The following ZFYVE28 variants were observed in gnomAD, a reference collection of about 807,000 sequenced individuals.
The protein encoded by ZFYVE28 is zinc finger FYVE-type containing 28.
ZFYVE28 carries 40 observed loss-of-function variants against 82.1 expected under a neutral mutation model. The ratio of observed to expected loss-of-function variants is 0.49; its 90% CI spans 0.38 to 0.63. The LOEUF (loss-of-function observed/expected upper bound fraction) is 0.63. ZFYVE28 is among the 30% of genes least tolerant of loss of function. The pLI is 0.00. For missense variants in ZFYVE28, 1,321 were observed against 1,242.1 expected, an observed-to-expected ratio of 1.06 and a Z score of -0.96; for synonymous variants, 612 against 546.1, an observed-to-expected ratio of 1.12 and a Z score of -1.68.
chr4:2,399,231 G>T (rs999131249), intron 1 of ZFYVE28, among the ~76,000 whole-genome samples: 1 of 151,800 alleles, frequency 6.6e-6, no homozygotes. Context: ...TGCACAATGT[G>T]GGGGGTTGAG....
Position 2,406,371 on chromosome 4 carries a change from C to CAA in ZFYVE28, c.39+11912_39+11913dup, listed in dbSNP as rs11451238. On this transcript the variant is annotated intron_variant, in intron 1 of 12. Transcript: ENST00000290974. The stretch of plus-strand genomic sequence containing the variant: ...TGGGCCACAGAACAAGACTCTGTCT[C>CAA]AAAAAAAAACAAAACAAAACACTGA... Among the ~76,000 whole-genome samples, 55 of 150,384 alleles carry CAA rather than the reference C, an allele frequency of 3.7e-4. 1 individual carries two copies. Among genetic ancestry groups the CAA allele is most frequent in the Admixed American group, 1.2e-3 (18 of 15,132 alleles).
At chr4:2,361,205 G>A (rs1319456805) in intron 1 of ZFYVE28, among the ~76,000 whole-genome samples, 1 of 152,134 alleles carries the variant, frequency 6.6e-6, no homozygotes, top group Non-Finnish European at 1.5e-5. Flanking sequence ...CGTTCACGGG[G>A]TCAGATGACT....
At position 2,418,430 on chromosome 4, in the gene ZFYVE28, C is replaced by G. The variant is rs1008456676; in HGVS notation, c.-107G>C. The G allele has an allele frequency of 3.3e-5, 31 of 926,010 alleles. No individual in the cohort carries two copies. The African/African-American group carries it at 4.5e-4, about 13-fold the overall frequency. 57.4% of individuals were successfully genotyped at this position (926,010 alleles called of 1,614,324 possible). ...GACGCGGAGGCACGGCCGGAGCCCC[C>G]GCGCTGTCGCAGGGAGGCTGGCTAG... is the stretch of plus-strand genomic sequence containing the variant. On this transcript the variant is annotated 5_prime_UTR_variant, in exon 1 of 13. Transcript: ENST00000290974. The surrounding 1 kb of genome is among the most constrained non-coding windows in gnomAD (Gnocchi z 4.6).
chr4:2,390,129 T>A (rs186978278), intron 1 of ZFYVE28, among the ~76,000 whole-genome samples: 6 of 152,314 alleles, frequency 3.9e-5, no homozygotes, highest in African/African-American at 1.4e-4. Flanking sequence ...ACAAGCGTCC[T>A]TCATAGAGAC....
At chr4:2,288,404 T>C (rs1713088668) in intron 8 of ZFYVE28, among the ~76,000 whole-genome samples, 1 of 151,994 alleles carries the variant, frequency 6.6e-6, no homozygotes. Flanking sequence ...TGCTACACAG[T>C]GGGGGAGCAT....
At chr4:2,305,985 G>A (rs1018463305) in intron 7 of ZFYVE28, among the ~76,000 whole-genome samples, 1 of 152,242 alleles carries the variant, frequency 6.6e-6, no homozygotes, top group African/African-American at 2.4e-5. Flanking sequence ...AGGCAGGCAT[G>A]CTCCTGCCCT....
At chr4:2,316,433 C>G (rs1216552740) in intron 7 of ZFYVE28, 1 of 152,396 alleles carries the variant, frequency 6.6e-6, no homozygotes, top group East Asian at 1.9e-4. Flanking sequence ...ATTTAGAACT[C>G]CTGGGCTCAA....
At chr4:2,326,969 C>T (rs922981299) in intron 6 of ZFYVE28, among the ~76,000 whole-genome samples, 2 of 151,750 alleles carry the variant, frequency 1.3e-5, no homozygotes, top group African/African-American at 2.4e-5. Flanking sequence ...ATAAGGTTGC[C>T]GGCCAGGTGC....
At chr4:2,396,908 G>T (rs964394536) in intron 1 of ZFYVE28, among the ~76,000 whole-genome samples, 1 of 152,206 alleles carries the variant, frequency 6.6e-6, no homozygotes, top group African/African-American at 2.4e-5. Flanking sequence ...GTCCTGAGCA[G>T]CGAGTCATGA....
Position 2,339,685 on chromosome 4 carries a change from C to CTGT in ZFYVE28, c.319-31_319-30insACA, listed in dbSNP as rs1560236750. On this transcript the variant is annotated intron_variant, in intron 3 of 12. Coordinates refer to ENST00000290974, the MANE Select transcript of ZFYVE28 (RefSeq NM_020972.3). This position sits in a 1 kb window ranked among gnomAD's most constrained non-coding sequence, Gnocchi z 5.0. Reference sequence around the variant, plus strand: ...GGGAGGGGACACACTCAGGGAGGGGCCCGGGTGAGGGCCAGGCTCTCAGGG... The same window carrying CTGT: ...GGGAGGGGACACACTCAGGGAGGGGCTGTCCGGGTGAGGGCCAGGCTCTCAGGG... 1 of 1,560,636 alleles carries CTGT rather than the reference C, an allele frequency of 6.4e-7. No homozygotes were observed. The highest frequency in any genetic ancestry group is 8.7e-7 in the Non-Finnish European group (1 of 1,153,944).
intron 1 of ZFYVE28, among the ~76,000 whole-genome samples, chr4:2,360,435 A>G (rs1176089151): frequency 2.7e-5 from 4 of 149,996 alleles, no homozygotes; most frequent in Non-Finnish European, 5.9e-5. Context: ...ACAGGCACGC[A>G]CGCACACACA....
rs555309199 is a variant in ZFYVE28, at chr4:2,341,496, C to T, written c.300G>A (p.Gln100=). 1 of 1,613,646 alleles carries T rather than the reference C, an allele frequency of 6.2e-7. No homozygotes were observed. The highest frequency in any genetic ancestry group is 2.2e-5 in the East Asian group (1 of 44,856). ...CCGCTACCTCGGCACCGAACCACAGCTGGCCGGCCAGGTTGTCGTGCCGGA... is the reference window on the plus strand; with the variant it reads ...CCGCTACCTCGGCACCGAACCACAGTTGGCCGGCCAGGTTGTCGTGCCGGA... ...EEIRHDNLAG[Q]LWFGAECLAA... The change falls in exon 3 of 13, where the codon CAG becomes CAA. Residue 100 remains glutamine (Q), a synonymous_variant. Transcript: ENST00000290974. This position sits in a 1 kb window ranked among gnomAD's most constrained non-coding sequence, Gnocchi z 4.5.
intron 8 of ZFYVE28, among the ~76,000 whole-genome samples, chr4:2,279,745 C>T (rs963342812): frequency 1.3e-5 from 2 of 150,820 alleles, no homozygotes; most frequent in Admixed American, 6.6e-5. Flanking sequence ...CATGCCACTG[C>T]ACTCCAGCCT....
At position 2,305,239 on chromosome 4, in the gene ZFYVE28, C is replaced by A. The variant is rs1490930269; in HGVS notation, c.1101G>T (p.Gln367His). 3.7e-6 allele frequency: 6 copies of A among 1,611,280 alleles called. No homozygotes were observed. Among genetic ancestry groups the A allele is most frequent in the Non-Finnish European group, 5.1e-6 (6 of 1,178,846 alleles). ...SSLLSPPIACQSPAHRPGAEG... is the reference protein window; with the variant it reads ...SSLLSPPIACHSPAHRPGAEG... The stretch of plus-strand genomic sequence containing the variant: ...CCGCTCCTGGCCTGTGAGCTGGGGA[C>A]TGGCAGGCAATGGGCGGTGAAAGCA... The change falls in exon 8 of 13, where the codon CAG (glutamine) becomes CAT (histidine). Residue 367 changes from glutamine (Q) to histidine (H), a missense_variant. By Grantham distance (24) the Gln-to-His change is conservative. This residue lies in a region of ZFYVE28 where 978 missense variants were observed against 833.7 expected (regional missense o/e 1.17). Coordinates refer to ENST00000290974, the MANE Select transcript of ZFYVE28 (RefSeq NM_020972.3).
intron 8 of ZFYVE28, among the ~76,000 whole-genome samples, chr4:2,289,342 G>C (rs536583814): frequency 6.6e-6 from 1 of 152,170 alleles, no homozygotes; most frequent in East Asian, 1.9e-4. Context: ...AGATTCCTTC[G>C]AACAAGGGTG....
At chr4:2,279,585 C>T (rs907775962) in intron 8 of ZFYVE28, among the ~76,000 whole-genome samples, 1 of 152,128 alleles carries the variant, frequency 6.6e-6, no homozygotes, top group Non-Finnish European at 1.5e-5. Flanking sequence ...CGAGACCATC[C>T]TGGCTAACAC....
chr4:2,365,331 T>C (rs1481556625), intron 1 of ZFYVE28, among the ~76,000 whole-genome samples: 1 of 151,822 alleles, frequency 6.6e-6, no homozygotes, highest in Non-Finnish European at 1.5e-5. Context: ...CCTGGAGCGC[T>C]GCCTCTGGGC....
intron 2 of ZFYVE28, among the ~76,000 whole-genome samples, chr4:2,349,529 T>A (rs770264352): frequency 6.6e-5 from 10 of 152,022 alleles, no homozygotes; most frequent in Non-Finnish European, 1.3e-4. Flanking sequence ...ATAAAAAAAA[T>A]AAAATAAATT....
intron 8 of ZFYVE28, among the ~76,000 whole-genome samples, chr4:2,293,037 C>G (rs1305404090): frequency 6.6e-6 from 1 of 151,914 alleles, no homozygotes; most frequent in Non-Finnish European, 1.5e-5. Flanking sequence ...ACAGGAGAAC[C>G]ATGTGATTAC....
Sources: gnomAD v4.1 joint callset for allele counts (sites outside exome capture counted in the v4.1 genomes callset) on GRCh38, gnomAD v4.1.1 for gene constraint, gnomAD v4.1.1 regional missense constraint, Gnocchi (gnomAD v3.1) non-coding constraint, MANE v1.5 for transcripts, NCBI Gene and HGNC (gene_info 2026-07-23, HGNC 2026-07-21) for gene names.